The following WFDC11 variants were observed in gnomAD, a reference collection of about 807,000 sequenced individuals.
WFDC11 encodes WAP four-disulfide core domain 11.
Under a neutral mutation model 9.9 loss-of-function variants are expected in WFDC11, and 9 were observed. The observed-to-expected ratio is 0.91, with a 90% CI of 0.55 to 1.58. WFDC11 has a LOEUF of 1.58. Ranked by LOEUF, WFDC11 falls within the 40% of genes most tolerant of loss-of-function variation. WFDC11 has a pLI of 0.00. For synonymous variants in WFDC11, 32 were observed against 33.3 expected (o/e 0.96, Z 0.13); for missense variants, 106 against 101.7 (o/e 1.04, Z -0.18).
chr20:45,649,955 T>C (rs1311857397), intron 3 of WFDC11, among the ~76,000 whole-genome samples: 1 of 152,154 alleles, frequency 6.6e-6, no homozygotes, highest in Non-Finnish European at 1.5e-5. Context: ...TTTCTCATCA[T>C]ATGACCCCCA....
chr20:45,663,330 G>A (rs771656753), intron 2 of WFDC11, among the ~76,000 whole-genome samples: 40 of 151,166 alleles, frequency 2.6e-4, no homozygotes, highest in Middle Eastern at 3.4e-3. Flanking sequence ...TTTATTTGTC[G>A]CAATGCTAGT....
chr20:45,660,834 G>A (rs932576248), intron 2 of WFDC11, among the ~76,000 whole-genome samples: 36 of 152,256 alleles, frequency 2.4e-4, no homozygotes, highest in African/African-American at 6.5e-4. Flanking sequence ...CATTTGGCTC[G>A]GTTCCAAGTC....
chr20:45,654,644 C>T (rs925024188), intron 2 of WFDC11, among the ~76,000 whole-genome samples: 1 of 152,094 alleles, frequency 6.6e-6, no homozygotes, highest in South Asian at 2.1e-4. Flanking sequence ...AATCCAGGAG[C>T]TGGTTTTTTG....
chr20:45,648,855 C>T (rs968256688), intron 4 of WFDC11, 116 bp from the exon 5 acceptor site: 90 of 1,128,180 alleles, frequency 8.0e-5, no homozygotes, highest in Admixed American at 1.2e-4. Flanking sequence ...AATACTTTAA[C>T]GTAACAACAG....
intron 2 of WFDC11, among the ~76,000 whole-genome samples, chr20:45,657,973 T>C (rs1207125696): frequency 6.6e-6 from 1 of 152,196 alleles, no homozygotes; most frequent in Non-Finnish European, 1.5e-5. Flanking sequence ...TGTGCATAGA[T>C]ATAAATATAG....
rs763219340 is a variant in WFDC11 at position 45,648,780 on chromosome 20, T to C, written c.244-41A>G. 3.1e-6 allele frequency: 5 copies of C among 1,606,330 alleles called. No homozygotes were observed. The South Asian group carries it at 5.5e-5, about 18-fold the overall frequency. On this transcript the variant is annotated intron_variant, in intron 4 of 4. Transcript: ENST00000324384. ...GTTAGATTTTTAGAGGCTAGAGAAC[T>C]CTGAGAAACAAGCATTCATTCCCCC...
intron 2 of WFDC11, among the ~76,000 whole-genome samples, chr20:45,659,506 T>G (rs1983009106): frequency 6.6e-6 from 1 of 152,274 alleles, no homozygotes; most frequent in South Asian, 2.1e-4. Context: ...TGCATAAACG[T>G]CTTCTTCTGA....
chr20:45,649,151 A>G, intron 4 of WFDC11, 106 bp downstream of exon 4: 1 of 1,345,560 alleles, frequency 7.4e-7, no homozygotes, highest in Non-Finnish European at 1.0e-6. Flanking sequence ...TTATTTTTGT[A>G]CCTAGAATTT....
chr20:45,668,729 A>T (rs1983236179), intron 1 of WFDC11, among the ~76,000 whole-genome samples: 1 of 152,120 alleles, frequency 6.6e-6, no homozygotes, highest in Admixed American at 6.6e-5. Flanking sequence ...TTTAACATTT[A>T]CAATAAATAT....
At chr20:45,653,222 T>C (rs776452313) in intron 2 of WFDC11, among the ~76,000 whole-genome samples, 1 of 151,980 alleles carries the variant, frequency 6.6e-6, no homozygotes, top group Non-Finnish European at 1.5e-5. Flanking sequence ...AGACTAACAG[T>C]GGATCTCTCG....
At chr20:45,650,884 C>T (rs772101531) in intron 2 of WFDC11, among the ~76,000 whole-genome samples, 1 of 152,180 alleles carries the variant, frequency 6.6e-6, no homozygotes, top group Non-Finnish European at 1.5e-5. Context: ...TTGATTAAAA[C>T]ATAATTCAAA....
At chr20:45,657,895 AC>A (rs1982970914) in intron 2 of WFDC11, among the ~76,000 whole-genome samples, 1 of 152,228 alleles carries the variant, frequency 6.6e-6, no homozygotes, top group African/African-American at 2.4e-5. Context: ...ATAAAAAAGC[AC>A]ATAGAACATA....
chr20:45,660,982 G>A (rs1165494051), intron 2 of WFDC11, among the ~76,000 whole-genome samples: 3 of 152,114 alleles, frequency 2.0e-5, no homozygotes, highest in South Asian at 4.1e-4. Flanking sequence ...GATCCTTGAG[G>A]AATCTCCACA....
intron 2 of WFDC11, among the ~76,000 whole-genome samples, chr20:45,657,553 T>C (rs984488300): frequency 6.6e-6 from 1 of 152,168 alleles, no homozygotes; most frequent in Non-Finnish European, 1.5e-5. Flanking sequence ...CTGCACGTTG[T>C]GCACATGTAC....
chr20:45,653,350 A>C (rs1982852367), intron 2 of WFDC11, among the ~76,000 whole-genome samples: 1 of 152,224 alleles, frequency 6.6e-6, no homozygotes, highest in Non-Finnish European at 1.5e-5. Flanking sequence ...TGAAGGAGAA[A>C]TAAAATACTT....
At chr20:45,669,273 T>C (rs1983248552) in intron 1 of WFDC11, among the ~76,000 whole-genome samples, 1 of 152,196 alleles carries the variant, frequency 6.6e-6, no homozygotes. Context: ...ATTTCACTTC[T>C]GGAAAACTCC....
At chr20:45,661,511 G>T (rs574766619) in intron 2 of WFDC11, among the ~76,000 whole-genome samples, 1 of 152,206 alleles carries the variant, frequency 6.6e-6, no homozygotes, top group Non-Finnish European at 1.5e-5. Context: ...GTCCTGAATG[G>T]CAATGCCTAG....
chr20:45,658,946 T>C (rs188428559), intron 2 of WFDC11, among the ~76,000 whole-genome samples: 13 of 149,952 alleles, frequency 8.7e-5, no homozygotes, highest in African/African-American at 3.0e-4. Flanking sequence ...AACTTCCACT[T>C]ATGAGAACAT....
intron 2 of WFDC11, 124 bp from the exon 3 acceptor site, chr20:45,650,775 A>G: frequency 1.8e-6 from 1 of 545,470 alleles, no homozygotes; most frequent in Non-Finnish European, 3.2e-6. Context: ...AACAACTGGC[A>G]CACCTAAGCT....
Sources: gnomAD v4.1 joint callset for allele counts (sites outside exome capture counted in the v4.1 genomes callset) on GRCh38, gnomAD v4.1.1 for gene constraint, MANE v1.5 for transcripts, NCBI Gene and HGNC (gene_info 2026-07-23, HGNC 2026-07-21) for gene names.